Variants in RIF1 observed in about 807,000 individuals in gnomAD.
RIF1 encodes the protein telomere-associated protein RIF1.
RIF1 carries 45 observed loss-of-function variants against 247.1 expected under a neutral mutation model. That is an observed-to-expected ratio of 0.18 (90% confidence interval 0.14 to 0.23). The LOEUF (loss-of-function observed/expected upper bound fraction) is 0.23. Ranked by LOEUF, RIF1 falls within the 10% of genes least tolerant of loss-of-function variation. The pLI is 1.00. For missense variants in RIF1, 2,967 were observed against 2,862.5 expected (o/e 1.04, Z -0.83); for synonymous variants, 1,087 against 978.8 (o/e 1.11, Z -2.06).
chr2:151,517,372 A>G, the RIF1 span, among the ~76,000 whole-genome samples: 1 of 152,210 alleles, frequency 6.6e-6, no homozygotes, highest in Admixed American at 6.5e-5. Context: ...GGGGGCACAT[A>G]CTGCCCTACA....
At chr2:151,523,326 T>C in the RIF1 span, among the ~76,000 whole-genome samples, 1 of 152,270 alleles carries the variant, frequency 6.6e-6, no homozygotes, top group Non-Finnish European at 1.5e-5. Flanking sequence ...GACCCTCTTG[T>C]GTTTTCATAA....
chr2:151,533,896 G>GTTTGTTTATTTTTTGCT, the RIF1 span, among the ~76,000 whole-genome samples: 2 of 152,122 alleles, frequency 1.3e-5, no homozygotes, highest in African/African-American at 4.8e-5. Context: ...TTTTGTTGTT[G>GTTTGTTTATTTTTTGCT]TTTGTTTATT....
chr2:151,416,542 A>G lies in RIF1; in HGVS notation c.281-19A>G, dbSNP rs772296636. 6 of 1,578,810 alleles carry G rather than the reference A, an allele frequency of 3.8e-6. No individual in the cohort carries two copies. The highest frequency in any genetic ancestry group is 5.1e-6 in the Non-Finnish European group (6 of 1,166,816). ...AGTATCACCTATTCTATACAAAATT[A>G]AAACTGCTTGTTTTTCAGAGGCAAA... On this transcript the variant is annotated intron_variant, in intron 4 of 35. Coordinates refer to ENST00000444746, the MANE Select transcript of RIF1 (RefSeq NM_018151.5).
rs1559038131 is a variant in RIF1, at chr2:151,474,804, AT to A, written c.7205-50del. 5 of 1,056,022 alleles carry A rather than the reference AT, an allele frequency of 4.7e-6. No individual in the cohort carries two copies. The South Asian group carries it at 7.1e-5, about 15-fold the overall frequency. The allele number at this position is 1,056,022 out of a possible 1,614,324, so 65.4% of individuals were successfully genotyped here. A position where few individuals can be genotyped will look rare whatever the true frequency, so the allele number is the denominator to read the frequency against. On this transcript the variant is annotated intron_variant, in intron 35 of 35. Transcript: ENST00000444746. ...ACTAACTTAAAAGATCATGTAAAAA[AT>A]TTAATTTTTGTCTGGTATAGATTTA... is the stretch of plus-strand genomic sequence containing the variant.
Position 151,464,595 on chromosome 2 carries a change from G to T in RIF1, c.5075G>T (p.Cys1692Phe), listed in dbSNP as rs747655315. The part of the protein sequence containing the change: ...RLHKRDSFDN[C>F]SLGESSKIGI... The stretch of plus-strand genomic sequence containing the variant: ...CATAAGCGAGACTCTTTTGATAATT[G>T]TAGTTTGGGAGAATCCTCAAAAATA... The change falls in exon 30 of 36, where the codon TGT becomes TTT. Residue 1692 changes from cysteine to phenylalanine, a missense_variant. Physicochemically the swap from Cys to Phe is radical, Grantham distance 205. This residue lies in a region of RIF1 where 2,028 missense variants were observed against 1,825.6 expected (regional missense o/e 1.11). Coordinates refer to ENST00000444746, the MANE Select transcript of RIF1 (RefSeq NM_018151.5). 1.2e-6 allele frequency: 2 copies of T among 1,613,512 alleles called. No individual in the cohort carries two copies. Among genetic ancestry groups the T allele is most frequent in the South Asian group, 2.2e-5 (2 of 90,976 alleles).
rs201052388 is a variant in RIF1 at position 151,435,515 on chromosome 2, C to A, written c.1130C>A (p.Pro377His). 6.2e-7 allele frequency: 1 copy of A among 1,613,158 alleles called. No individual in the cohort carries two copies. Among genetic ancestry groups the A allele is most frequent in the South Asian group, 1.1e-5 (1 of 91,062 alleles). The part of the protein sequence containing the change: ...STISIDSNAS[P>H]QGNSCHVATS... ...ATAAGCATTGATTCTAATGCCTCAC[C>A]TCAGGGCAATTCGTGTCATGTAGCT... Residue 377 changes from proline to histidine, a missense_variant, in exon 11 of 36, where the codon CCT (proline) becomes CAT (histidine). Physicochemically the swap from Pro to His is moderately conservative, Grantham distance 77. Around this residue, in one of 7 missense-constraint regions of RIF1, gnomAD observed 369 missense variants for 322.0 expected, o/e 1.15. Transcript: ENST00000444746.
the RIF1 span, among the ~76,000 whole-genome samples, chr2:151,516,020 T>C: frequency 6.6e-6 from 1 of 152,210 alleles, no homozygotes; most frequent in Admixed American, 6.5e-5. Context: ...ATAACGAATA[T>C]GGCATCTTCA....
At chr2:151,444,508 C>T (rs1692909646) in intron 18 of RIF1, among the ~76,000 whole-genome samples, 1 of 152,156 alleles carries the variant, frequency 6.6e-6, no homozygotes, top group African/African-American at 2.4e-5. Flanking sequence ...TGGGGTTTCA[C>T]TGTATTGGTC....
At chr2:151,492,053 C>G in intron 9 of RIF1, 2 of 1,577,402 alleles carry the variant, frequency 1.3e-6, no homozygotes, top group South Asian at 1.1e-5. Context: ...TTCTTCTACC[C>G]CCTCACTTAA....
chr2:151,489,433 C>G (rs1352003571), intron 9 of RIF1, among the ~76,000 whole-genome samples: 1 of 152,184 alleles, frequency 6.6e-6, no homozygotes, highest in African/African-American at 2.4e-5. Context: ...GGGTCTCCCT[C>G]TGTCATCCAG....
rs912592563 is a variant in RIF1 at position 151,421,993 on chromosome 2, G to A, written c.694-957G>A. Among the ~76,000 whole-genome samples the A allele has an allele frequency of 1.1e-4, 16 of 151,782 alleles. No individual in the cohort carries two copies. The East Asian group carries it at 1.8e-3, about 17-fold the overall frequency. ...ATTACAGGCACCTGCAACCATGCCCGACCGATATTTGTATTTTTAGTAGAG... is the reference window on the plus strand; with the variant it reads ...ATTACAGGCACCTGCAACCATGCCCAACCGATATTTGTATTTTTAGTAGAG... On this transcript the variant is annotated intron_variant, in intron 7 of 35. Coordinates refer to ENST00000444746, the MANE Select transcript of RIF1 (RefSeq NM_018151.5).
In RIF1 at chr2:151,497,713, T is replaced by TAACAC. The variant is rs1553552413; in HGVS notation, c.*514-1631_*514-1627dup. 1.3e-6 allele frequency: 2 copies of TAACAC among 1,575,764 alleles called. No homozygotes were observed. Among genetic ancestry groups the TAACAC allele is most frequent in the African/African-American group, 1.3e-5 (1 of 74,268 alleles). ...TTCCCTTGCCCATGTTTTCTTTGTA[T>TAACAC]AACACCTGTGCGATAAGAAAGCATC... is the stretch of plus-strand genomic sequence containing the variant. On this transcript the variant is annotated intron_variant and NMD_transcript_variant, in intron 10 of 13. Transcript: ENST00000454583.
intron 12 of RIF1, among the ~76,000 whole-genome samples, chr2:151,504,450 A>G (rs1211592412): frequency 1.3e-5 from 2 of 152,216 alleles, no homozygotes; most frequent in Non-Finnish European, 2.9e-5. Flanking sequence ...AGCTTTCTCA[A>G]CTCTTATTAG....
intron 22 of RIF1, 136 bp downstream of exon 22, chr2:151,455,295 T>G: frequency 1.7e-6 from 1 of 596,936 alleles, no homozygotes; most frequent in Non-Finnish European, 2.8e-6. Flanking sequence ...AACTACACTT[T>G]TGTTGAAAAG....
At chr2:151,493,397 G>A (rs1296769960) in intron 9 of RIF1, 2 of 1,611,124 alleles carry the variant, frequency 1.2e-6, no homozygotes, top group South Asian at 1.1e-5. Flanking sequence ...TCCATCTCTG[G>A]AGTAACAGGT....
chr2:151,433,210 T>G lies in RIF1; in HGVS notation c.1059T>G (p.Leu353=). The G allele has an allele frequency of 6.2e-7, 1 of 1,612,504 alleles. No homozygotes were observed. The highest frequency in any genetic ancestry group is 1.3e-5 in the African/African-American group (1 of 74,996). The change falls in exon 10 of 36, where the codon CTT becomes CTG. Residue 353 remains leucine (L), a synonymous_variant. Transcript: ENST00000444746. The part of the protein sequence containing the change: ...WYLLMRLGPH[L]PANFEQVCVP... ...TACTGATGAGACTTGGACCTCATCT[T>G]CCTGCTAATTTTGAACAGGTAACAT...
chr2:151,508,196 C>T (rs2070876296), downstream of RIF1: 2 of 803,370 alleles, frequency 2.5e-6, no homozygotes, highest in Non-Finnish European at 3.9e-6. Flanking sequence ...TTAGCCCTTC[C>T]AGGCTCAGCA....
At chr2:151,495,196 T>C (rs1404271574) in intron 9 of RIF1, 2 of 152,222 alleles carry the variant, frequency 1.3e-5, no homozygotes, top group Non-Finnish European at 2.9e-5. Flanking sequence ...TAACACATCA[T>C]GATAAATCCT....
rs765609313 is a variant in RIF1 at position 151,457,957 on chromosome 2, A to C, written c.2849A>C (p.Glu950Ala). The C allele has an allele frequency of 6.2e-7, 1 of 1,611,972 alleles. No homozygotes were observed. Among genetic ancestry groups the C allele is most frequent in the Non-Finnish European group, 8.5e-7 (1 of 1,178,354 alleles). The change falls in exon 24 of 36, where the codon GAG becomes GCG. Residue 950 changes from glutamate to alanine, a missense_variant. By Grantham distance (107) the Glu-to-Ala change is moderately radical. Around this residue, in one of 7 missense-constraint regions of RIF1, gnomAD observed 2,028 missense variants for 1,825.6 expected, o/e 1.11. Transcript: ENST00000444746. ...AKVMMLVYPE[E>A]LKPVLTQAKQ... is the part of the protein sequence containing the mutation. ...GTGATGATGTTGGTTTATCCTGAAG[A>C]GTTAAAGTATGCTAACAACAAAACT... is the stretch of plus-strand genomic sequence containing the variant.
Sources: gnomAD v4.1 joint callset for allele counts (sites outside exome capture counted in the v4.1 genomes callset) on GRCh38, gnomAD v4.1.1 for gene constraint, gnomAD v4.1.1 regional missense constraint, MANE v1.5 for transcripts, NCBI Gene and HGNC (gene_info 2026-07-23, HGNC 2026-07-21) for gene names.